The following PUM1 variants were observed in gnomAD, a reference collection of about 807,000 sequenced individuals.
PUM1 encodes the protein pumilio RNA binding family member 1, also known as pumilio homolog 1.
Under a neutral mutation model 131.8 loss-of-function variants are expected in PUM1, and 13 were observed. The observed-to-expected ratio is 0.10, with a 90% CI of 0.06 to 0.16. The LOEUF is 0.16. Among genes scored for constraint, PUM1 ranks in the 10% least tolerant of loss-of-function variants. The pLI, the probability that PUM1 is intolerant of heterozygous loss-of-function variation, is 1.00. For missense variants in PUM1, 961 were observed against 1,512.4 expected (o/e 0.64, Z 6.05); for synonymous variants, 509 against 556.5 (o/e 0.91, Z 1.20).
chr1:30,979,554 C>T (rs957293655), intron 9 of PUM1, among the ~76,000 whole-genome samples: 19 of 151,770 alleles, frequency 1.3e-4, no homozygotes, highest in Non-Finnish European at 2.2e-4. Context: ...TAATGATCAG[C>T]CATGTTTGGT....
At chr1:31,050,926 C>T in intron 2 of PUM1, 1 of 258,210 alleles carries the variant, frequency 3.9e-6, no homozygotes. Flanking sequence ...CCAGGGTTCT[C>T]TCTCTTGTTG....
In PUM1 at chr1:30,933,260, T is replaced by C. The variant is rs1209922031; in HGVS notation, c.3518A>G (p.Asn1173Ser). The change falls in exon 22 of 22, where the codon AAC (asparagine) becomes AGC (serine). Residue 1173 changes from asparagine (N) to serine (S), a missense_variant. Physicochemically the swap from Asn to Ser is conservative, Grantham distance 46. Around this residue, in one of 4 missense-constraint regions of PUM1, gnomAD observed 178 missense variants for 327.5 expected, o/e 0.54. Transcript: ENST00000426105. The part of the protein sequence containing the change: ...LAKLEKYYMK[N>S]GVDLGPICGP... ...ACAGATGGGCCCTAAGTCAACACCG[T>C]TCTTCATGTAGTACTTCTCCAGCTT... The C allele has an allele frequency of 6.2e-7, 1 of 1,613,872 alleles. No homozygotes were observed. Among genetic ancestry groups the C allele is most frequent in the Non-Finnish European group, 8.5e-7 (1 of 1,179,886 alleles).
At chr1:30,960,334 A>G (rs961423513) in intron 14 of PUM1, among the ~76,000 whole-genome samples, 4 of 152,236 alleles carry the variant, frequency 2.6e-5, no homozygotes, top group Non-Finnish European at 4.4e-5. Context: ...GTTGATGCTC[A>G]AAAATGTTTT....
chr1:30,984,077 T>C (rs181897240), intron 7 of PUM1, among the ~76,000 whole-genome samples: 1 of 152,214 alleles, frequency 6.6e-6, no homozygotes, highest in Non-Finnish European at 1.5e-5. Context: ...ACTATTACTT[T>C]TAACTAAAAG....
intron 7 of PUM1, 122 bp from the exon 8 acceptor site, chr1:30,981,527 T>C: frequency 1.8e-6 from 1 of 549,892 alleles, no homozygotes. Flanking sequence ...ACAATAAATG[T>C]TCTCACACTC....
chr1:30,941,287 G>A lies in PUM1; in HGVS notation c.3121-15C>T, dbSNP rs778480832. 6.9e-6 allele frequency: 11 copies of A among 1,604,704 alleles called. No individual in the cohort carries two copies. The South Asian group carries it at 8.9e-5, about 13-fold the overall frequency. Reference sequence around the variant, plus strand: ...CCATATTGATCCTGTTTGAGAAACAGTAAGAGAAATAAAATGTATGTGAAA... The same window carrying A: ...CCATATTGATCCTGTTTGAGAAACAATAAGAGAAATAAAATGTATGTGAAA... On this transcript the variant is annotated splice_polypyrimidine_tract_variant and intron_variant, in intron 19 of 21. Coordinates refer to ENST00000426105, the MANE Select transcript of PUM1 (RefSeq NM_001020658.2).
intron 5 of PUM1, among the ~76,000 whole-genome samples, chr1:31,001,487 C>T (rs561416362): frequency 5.9e-5 from 9 of 152,280 alleles, no homozygotes; most frequent in African/African-American, 2.2e-4. Flanking sequence ...TACTCACAAA[C>T]AATGCCAGTA....
Position 31,059,346 on chromosome 1 carries a change from C to T in PUM1, c.221G>A (p.Arg74His), listed in dbSNP as rs2124008235. 2 of 1,614,134 alleles carry T rather than the reference C, an allele frequency of 1.2e-6. No homozygotes were observed. The highest frequency in any genetic ancestry group is 1.7e-6 in the Non-Finnish European group (2 of 1,180,032). The change falls in exon 2 of 22, where the codon CGT (arginine) becomes CAT (histidine). Residue 74 changes from arginine to histidine, a missense_variant. Arg to His is a conservative substitution (Grantham distance 29, BLOSUM62 0). Around this residue, in one of 4 missense-constraint regions of PUM1, gnomAD observed 654 missense variants for 923.9 expected, o/e 0.71. Transcript: ENST00000426105. ...PVPGSIGVAG[R>H]SQDDAMVDYF... ...GTCCACCATAGCGTCGTCCTGGGAA[C>T]GGCCTGCAACTCCTATAGATCCTGG... is the stretch of plus-strand genomic sequence containing the variant.
intron 2 of PUM1, among the ~76,000 whole-genome samples, chr1:31,034,734 G>A (rs1643547340): frequency 6.6e-6 from 1 of 152,106 alleles, no homozygotes; most frequent in African/African-American, 2.4e-5. Flanking sequence ...ACTTTTAACT[G>A]CCTTTGCTAG....
chr1:31,047,570 C>T (rs1398939581), intron 2 of PUM1, among the ~76,000 whole-genome samples: 1 of 152,174 alleles, frequency 6.6e-6, no homozygotes, highest in African/African-American at 2.4e-5. Flanking sequence ...AATGCTGTTG[C>T]CTGAGAGAAA....
intron 1 of PUM1, among the ~76,000 whole-genome samples, chr1:31,063,529 A>T (rs1304759554): frequency 6.6e-6 from 1 of 152,208 alleles, no homozygotes; most frequent in African/African-American, 2.4e-5. Context: ...ACGTTATTCC[A>T]GTGATGGACA....
intron 20 of PUM1, among the ~76,000 whole-genome samples, chr1:30,938,258 A>G (rs1251884490): frequency 1.3e-5 from 2 of 151,626 alleles, no homozygotes; most frequent in Non-Finnish European, 2.9e-5. Flanking sequence ...CCACCATTTG[A>G]AAAAATTTTT....
At chr1:31,061,801 T>C (rs1644374781) in intron 1 of PUM1, 1 of 148,382 alleles carries the variant, frequency 6.7e-6, no homozygotes, top group South Asian at 2.1e-4. Context: ...CTACTAAAAA[T>C]AATTAGCCAG....
Position 31,026,243 on chromosome 1 carries a change from G to A in PUM1, c.432+2553C>T, listed in dbSNP as rs1467831249. Among the ~76,000 whole-genome samples the A allele has an allele frequency of 1.2e-4, 18 of 150,446 alleles. 1 individual carries two copies. The highest frequency in any genetic ancestry group is 2.2e-4 in the Non-Finnish European group (15 of 67,744). On this transcript the variant is annotated intron_variant, in intron 3 of 21. Coordinates refer to ENST00000426105, the MANE Select transcript of PUM1 (RefSeq NM_001020658.2). Reference sequence around the variant, plus strand: ...TTCACTCTAGCCTGGGTGACAGAGTGAGACTCAGTCTCTTAAAAAAAAAAA... The same window carrying A: ...TTCACTCTAGCCTGGGTGACAGAGTAAGACTCAGTCTCTTAAAAAAAAAAA...
chr1:30,963,300 T>C (rs1023260438), intron 14 of PUM1, among the ~76,000 whole-genome samples: 3 of 152,144 alleles, frequency 2.0e-5, no homozygotes, highest in African/African-American at 4.8e-5. Context: ...AAGCCAGGCA[T>C]TGTGTCACTA....
intron 2 of PUM1, among the ~76,000 whole-genome samples, chr1:31,042,323 T>C (rs10914255): frequency 7.3e-5 from 11 of 150,774 alleles, no homozygotes; most frequent in African/African-American, 9.8e-5. Context: ...AATAAATAAA[T>C]AAATAAATAA....
chr1:30,963,561 A>G (rs1313769841), intron 14 of PUM1, among the ~76,000 whole-genome samples: 5 of 152,240 alleles, frequency 3.3e-5, no homozygotes, highest in South Asian at 2.1e-4. Context: ...GTCTAGAATA[A>G]TAAGTCTATT....
chr1:31,042,612 CTTTTTT>C (rs963665386), intron 2 of PUM1, among the ~76,000 whole-genome samples: 3 of 152,002 alleles, frequency 2.0e-5, no homozygotes, highest in South Asian at 2.1e-4. Context: ...GTCTTTTTTT[CTTTTTT>C]AACTGTTTGA....
At chr1:30,986,266 A>C (rs1256397526) in intron 7 of PUM1, among the ~76,000 whole-genome samples, 1 of 152,162 alleles carries the variant, frequency 6.6e-6, no homozygotes, top group Non-Finnish European at 1.5e-5. Flanking sequence ...CTTATGTGTA[A>C]AAATAAAATA....
Sources: allele counts gnomAD v4.1 joint callset (sites outside exome capture counted in the v4.1 genomes callset), GRCh38; gene constraint gnomAD v4.1.1; regional missense constraint gnomAD v4.1.1; transcripts MANE v1.5; gene names NCBI Gene and HGNC (gene_info 2026-07-23, HGNC 2026-07-21).